Variants in BMP6 observed in about 807,000 individuals in gnomAD.
The protein encoded by BMP6 is bone morphogenetic protein 6, also known as VG-1-R.
Under a neutral mutation model 54.1 loss-of-function variants are expected in BMP6, and 17 were observed. The ratio of observed to expected loss-of-function variants is 0.31; its 90% CI spans 0.22 to 0.47. BMP6 has a LOEUF of 0.47. Among genes scored for constraint, BMP6 ranks in the 20% least tolerant of loss-of-function variants. The pLI is 1.00. For synonymous variants in BMP6, 328 were observed against 291.2 expected, an observed-to-expected ratio of 1.13 and a Z score of -1.28; for missense variants, 720 against 690.4, an observed-to-expected ratio of 1.04 and a Z score of -0.48.
At chr6:7,875,760 T>G (rs1356207406) in intron 4 of BMP6, among the ~76,000 whole-genome samples, 1 of 152,178 alleles carries the variant, frequency 6.6e-6, no homozygotes, top group African/African-American at 2.4e-5. Context: ...TTGCATGCAG[T>G]AGAAGCAGAC....
intron 1 of BMP6, among the ~76,000 whole-genome samples, chr6:7,823,641 C>A (rs1299343725): frequency 6.6e-6 from 1 of 152,166 alleles, no homozygotes; most frequent in Non-Finnish European, 1.5e-5. Flanking sequence ...CAGAAGGTCT[C>A]TCTGAGGAGA....
chr6:7,747,760 C>T (rs1757367683), intron 1 of BMP6, among the ~76,000 whole-genome samples: 1 of 152,174 alleles, frequency 6.6e-6, no homozygotes, highest in Non-Finnish European at 1.5e-5. Flanking sequence ...GATCCTCTCG[C>T]CTCAGCCTCC....
intron 1 of BMP6, among the ~76,000 whole-genome samples, chr6:7,771,360 G>C (rs2113155315): frequency 6.6e-6 from 1 of 152,236 alleles, no homozygotes; most frequent in African/African-American, 2.4e-5. Context: ...CCTCTGCCTT[G>C]GTGTCTGCTG....
intron 1 of BMP6, among the ~76,000 whole-genome samples, chr6:7,813,909 G>A (rs551030198): frequency 2.0e-5 from 3 of 151,988 alleles, no homozygotes; most frequent in South Asian, 2.1e-4. Context: ...TAGATGTTGC[G>A]ACCACTGGTG....
chr6:7,757,451 T>C (rs1397274748), intron 1 of BMP6, among the ~76,000 whole-genome samples: 5 of 152,172 alleles, frequency 3.3e-5, no homozygotes, highest in African/African-American at 1.2e-4. Context: ...TATGTGTCTC[T>C]TTTTCTTCCC....
At chr6:7,785,428 GAC>G (rs1758006410) in intron 1 of BMP6, among the ~76,000 whole-genome samples, 1 of 152,174 alleles carries the variant, frequency 6.6e-6, no homozygotes, top group Non-Finnish European at 1.5e-5. Flanking sequence ...AGAATTGTCA[GAC>G]ACAGTAAGAT....
chr6:7,754,051 T>G (rs1468555379), intron 1 of BMP6, among the ~76,000 whole-genome samples: 1 of 152,200 alleles, frequency 6.6e-6, no homozygotes, highest in Non-Finnish European at 1.5e-5. Flanking sequence ...CTGTTGTTAT[T>G]GGGTAGAGTG....
intron 4 of BMP6, among the ~76,000 whole-genome samples, chr6:7,876,734 ATTG>A (rs1352597746): frequency 2.0e-5 from 3 of 152,120 alleles, no homozygotes; most frequent in Non-Finnish European, 2.9e-5. Context: ...ATCTGATTTC[ATTG>A]TTATTTTCAA....
chr6:7,746,905 G>A (rs1292573336), intron 1 of BMP6, among the ~76,000 whole-genome samples: 1 of 152,156 alleles, frequency 6.6e-6, no homozygotes, highest in African/African-American at 2.4e-5. Flanking sequence ...TTTTCCACCT[G>A]GTTTGTCTCC....
chr6:7,831,287 C>G (rs977018922), intron 1 of BMP6, among the ~76,000 whole-genome samples: 2 of 152,150 alleles, frequency 1.3e-5, no homozygotes, highest in South Asian at 2.1e-4. Context: ...ATGGTTGTTA[C>G]CAAGGCCGCG....
chr6:7,879,813 A>G (rs908881924), intron 5 of BMP6, among the ~76,000 whole-genome samples, 178 bp from the exon 6 acceptor site: 14 of 152,224 alleles, frequency 9.2e-5, no homozygotes, highest in Non-Finnish European at 1.0e-4. Flanking sequence ...CAGATGGACC[A>G]GGTTCACTTC....
At chr6:7,814,327 A>C (rs970774152) in intron 1 of BMP6, among the ~76,000 whole-genome samples, 2 of 152,152 alleles carry the variant, frequency 1.3e-5, no homozygotes, top group Admixed American at 1.3e-4. Context: ...TACTCCTGGG[A>C]ATTAGGGCAA....
chr6:7,807,597 C>A (rs2113205913), intron 1 of BMP6, among the ~76,000 whole-genome samples: 1 of 152,194 alleles, frequency 6.6e-6, no homozygotes, highest in Non-Finnish European at 1.5e-5. Context: ...GTTTAACATG[C>A]ACATTTTGGG....
intron 1 of BMP6, among the ~76,000 whole-genome samples, chr6:7,838,188 T>C (rs1486444608): frequency 6.6e-6 from 1 of 152,228 alleles, no homozygotes; most frequent in African/African-American, 2.4e-5. Flanking sequence ...CATATAACTT[T>C]TATTATAGTA....
intron 1 of BMP6, among the ~76,000 whole-genome samples, chr6:7,760,385 G>A (rs1356243981): frequency 5.9e-5 from 9 of 152,244 alleles, no homozygotes; most frequent in African/African-American, 9.6e-5. Context: ...AAGGAACACC[G>A]TCTTTCCACC....
chr6:7,735,093 A>G (rs1017346932), intron 1 of BMP6, among the ~76,000 whole-genome samples: 2 of 152,202 alleles, frequency 1.3e-5, no homozygotes, highest in African/African-American at 4.8e-5. Flanking sequence ...GTGGATTCAC[A>G]GGGCGCAGAA....
intron 1 of BMP6, among the ~76,000 whole-genome samples, chr6:7,747,933 A>C (rs1757370389): frequency 6.6e-6 from 1 of 152,118 alleles, no homozygotes; most frequent in African/African-American, 2.4e-5. Flanking sequence ...GGCGTGAGCC[A>C]CTGTGCCAGG....
At chr6:7,740,593 T>A (rs1762028121) in intron 1 of BMP6, among the ~76,000 whole-genome samples, 1 of 152,180 alleles carries the variant, frequency 6.6e-6, no homozygotes, top group Non-Finnish European at 1.5e-5. Context: ...TAACAAAGTT[T>A]GTGGATCAGC....
intron 1 of BMP6, among the ~76,000 whole-genome samples, chr6:7,760,903 G>A (rs1004950488): frequency 6.6e-6 from 1 of 152,140 alleles, no homozygotes; most frequent in Non-Finnish European, 1.5e-5. Flanking sequence ...TCTTCACCTC[G>A]TGCTGTAATT....
Sources: allele counts gnomAD v4.1 joint callset (sites outside exome capture counted in the v4.1 genomes callset), GRCh38; gene constraint gnomAD v4.1.1; transcripts MANE v1.5; gene names NCBI Gene and HGNC (gene_info 2026-07-23, HGNC 2026-07-21).